HEG1: variants seen among roughly 807,000 people sequenced by gnomAD.
The protein encoded by HEG1 is heart development protein with EGF like domains 1, also known as protein HEG homolog 1.
Under a neutral mutation model 125.6 loss-of-function variants are expected in HEG1, and 56 were observed. The ratio of observed to expected loss-of-function variants is 0.45; its 90% CI spans 0.36 to 0.56. The LOEUF (loss-of-function observed/expected upper bound fraction) is 0.56. HEG1 is among the 20% of genes least tolerant of loss of function. HEG1 has a pLI of 0.00. For synonymous variants in HEG1, 644 were observed against 668.5 expected (o/e 0.96, Z 0.57); for missense variants, 1,523 against 1,670.0 (o/e 0.91, Z 1.53).
intron 9 of HEG1, among the ~76,000 whole-genome samples, chr3:125,003,824 C>T (rs990972191): frequency 1.3e-5 from 2 of 152,236 alleles, no homozygotes; most frequent in Non-Finnish European, 1.5e-5. Flanking sequence ...GCCTTTGGAA[C>T]TCTCCCGGAC....
At chr3:125,002,398 A>C (rs1006615836) in intron 9 of HEG1, 83 bp from the exon 10 acceptor site, 1 of 1,246,488 alleles carries the variant, frequency 8.0e-7, no homozygotes, top group Non-Finnish European at 1.1e-6. Context: ...TTTCAGGATA[A>C]AACAGGCATT....
intron 1 of HEG1, among the ~76,000 whole-genome samples, chr3:125,048,035 T>G (rs1466661604): frequency 6.6e-6 from 1 of 152,168 alleles, no homozygotes; most frequent in African/African-American, 2.4e-5. Context: ...CTCCTGTTAT[T>G]CAGGGTCTTC....
chr3:125,002,729 C>T lies in HEG1; in HGVS notation c.3298-414G>A, dbSNP rs550586885. On this transcript the variant is annotated intron_variant, in intron 9 of 16. Transcript: ENST00000311127. The stretch of plus-strand genomic sequence containing the variant: ...CTAGGTCTGACAGGCCCTACATAGA[C>T]GCCTCATAATCTACAATGAGTTGAC... Among the ~76,000 whole-genome samples, 8 of 152,306 alleles carry T rather than the reference C, an allele frequency of 5.3e-5. No homozygotes were observed. In the East Asian group the frequency reaches 5.8e-4, roughly 11 times the overall value.
intron 4 of HEG1, among the ~76,000 whole-genome samples, chr3:125,020,084 C>T (rs547270306): frequency 2.0e-5 from 3 of 152,312 alleles, no homozygotes; most frequent in Admixed American, 2.0e-4. Context: ...TATATCTGCA[C>T]ATTTATGCAG....
At chr3:125,009,211 T>C (rs1268519537) in intron 8 of HEG1, among the ~76,000 whole-genome samples, 1 of 152,210 alleles carries the variant, frequency 6.6e-6, no homozygotes, top group Non-Finnish European at 1.5e-5. Context: ...ATGAAGGTCA[T>C]TTTTAAAAAC....
chr3:125,011,441 A>G (rs12493775), intron 6 of HEG1, among the ~76,000 whole-genome samples: 2 of 152,000 alleles, frequency 1.3e-5, no homozygotes, highest in Non-Finnish European at 2.9e-5. Context: ...ACTTGCCTAC[A>G]GTTATCATCA....
At chr3:125,030,611 C>T (rs1241343984) in intron 1 of HEG1, among the ~76,000 whole-genome samples, 1 of 152,202 alleles carries the variant, frequency 6.6e-6, no homozygotes, top group Non-Finnish European at 1.5e-5. Flanking sequence ...GTAATGATCT[C>T]ATTTTGTGAA....
rs745533180 is a variant in HEG1, at chr3:125,012,623, C to A, written c.2956G>T (p.Val986Phe). Residue 986 changes from valine to phenylalanine, a missense_variant and splice_region_variant, in exon 6 of 17, where the codon GTC becomes TTC. Transcript: ENST00000311127. ...ATGTGCTTGTGTGACTGTGTTTTAC[C>A]TGAGGCTGAAGAGGACACTGTTGTT... ...SPTTVSSSAS[V>F]NSCAVNPCLH... is the part of the protein sequence containing the mutation. 6.2e-7 allele frequency: 1 copy of A among 1,611,326 alleles called. No homozygotes were observed. The highest frequency in any genetic ancestry group is 8.5e-7 in the Non-Finnish European group (1 of 1,178,612).
chr3:124,988,370 T>A (rs1228511659), intron 14 of HEG1, among the ~76,000 whole-genome samples: 2 of 152,200 alleles, frequency 1.3e-5, no homozygotes, highest in South Asian at 4.1e-4. Flanking sequence ...TACTCAAGCC[T>A]ACCCTGTTCA....
At chr3:124,982,248 T>C (rs1402621314) in intron 14 of HEG1, among the ~76,000 whole-genome samples, 2 of 152,266 alleles carry the variant, frequency 1.3e-5, no homozygotes, top group African/African-American at 2.4e-5. Context: ...GGCAGCCATG[T>C]CACTGTAACC....
chr3:125,011,798 G>A (rs1426222930), intron 6 of HEG1, among the ~76,000 whole-genome samples: 1 of 152,124 alleles, frequency 6.6e-6, no homozygotes, highest in Non-Finnish European at 1.5e-5. Context: ...TCCTCCAACA[G>A]CAGTTTTCCT....
chr3:125,036,309 T>C (rs1470605765), intron 1 of HEG1, among the ~76,000 whole-genome samples: 2 of 150,602 alleles, frequency 1.3e-5, no homozygotes, highest in Non-Finnish European at 2.9e-5. Flanking sequence ...CAGTGAATAC[T>C]GTCTAAAACC....
chr3:124,976,828 C>T (rs1936550057), intron 15 of HEG1, among the ~76,000 whole-genome samples: 1 of 152,192 alleles, frequency 6.6e-6, no homozygotes, highest in Non-Finnish European at 1.5e-5. Context: ...TCAGGTGGCT[C>T]CCTTCATCTT....
chr3:125,043,542 T>C (rs1467515026), intron 1 of HEG1, among the ~76,000 whole-genome samples: 5 of 152,150 alleles, frequency 3.3e-5, no homozygotes, highest in Admixed American at 3.3e-4. Flanking sequence ...ACCTTGTTTC[T>C]AGGGGCACCT....
At chr3:125,020,752 C>A (rs776017382) in intron 4 of HEG1, 40 bp downstream of exon 4, 1 of 1,531,040 alleles carries the variant, frequency 6.5e-7, no homozygotes. Flanking sequence ...CAATGATTTA[C>A]AAATGTCCCT....
chr3:125,050,909 A>G (rs1234770126), intron 1 of HEG1, among the ~76,000 whole-genome samples: 4 of 152,254 alleles, frequency 2.6e-5, no homozygotes, highest in South Asian at 2.1e-4. Flanking sequence ...GTGAGTGGGT[A>G]GAAGAGAGCA....
intron 14 of HEG1, among the ~76,000 whole-genome samples, chr3:124,984,565 C>T (rs1274284229): frequency 2.0e-5 from 3 of 152,052 alleles, no homozygotes; most frequent in African/African-American, 7.3e-5. Flanking sequence ...TCGATACCAG[C>T]CTGGCCAACA....
chr3:124,971,540 G>A (rs764723705), intron 16 of HEG1, among the ~76,000 whole-genome samples: 12 of 150,612 alleles, frequency 8.0e-5, no homozygotes, highest in Non-Finnish European at 1.2e-4. Context: ...TCGCCAGGCC[G>A]GAGTGCAGTG....
At position 125,019,593 on chromosome 3, in the gene HEG1, A is replaced by G; in HGVS notation, c.1257T>C (p.Phe419=). The part of the protein sequence containing the change: ...SLRWQNDSPT[F]GEHQLASSSE... ...AGCTGCTGGCAAGCTGATGTTCTCC[A>G]AAGGCTGTAAGGTAATATAGGAAAA... Residue 419 remains phenylalanine (F), a synonymous_variant, in exon 5 of 17, where the codon TTT becomes TTC. Coordinates refer to ENST00000311127, the MANE Select transcript of HEG1 (RefSeq NM_020733.2). The G allele has an allele frequency of 1.2e-6, 2 of 1,603,298 alleles. No individual in the cohort carries two copies. The highest frequency in any genetic ancestry group is 1.7e-6 in the Non-Finnish European group (2 of 1,170,780).
Sources: gnomAD v4.1 joint callset for allele counts (sites outside exome capture counted in the v4.1 genomes callset) on GRCh38, gnomAD v4.1.1 for gene constraint, MANE v1.5 for transcripts, NCBI Gene and HGNC (gene_info 2026-07-23, HGNC 2026-07-21) for gene names.